The following SLC5A8 variants were observed in gnomAD, a reference collection of about 807,000 sequenced individuals.
SLC5A8 encodes the protein sodium-coupled monocarboxylate transporter 1.
In SLC5A8, 55 loss-of-function variants were observed where a neutral mutation model predicts 71.9. That is an observed-to-expected ratio of 0.77 (90% CI 0.62 to 0.96). The LOEUF is 0.96. Ranked by LOEUF, SLC5A8 falls within the 40% of genes least tolerant of loss-of-function variation. The pLI is 0.00. For missense variants in SLC5A8, 701 were observed against 745.3 expected (o/e 0.94, Z 0.69); for synonymous variants, 307 against 276.1 (o/e 1.11, Z -1.11).
At chr12:101,158,554 CT>C (rs2051689854) in intron 13 of SLC5A8, among the ~76,000 whole-genome samples, 2 of 26,460 alleles carry the variant, frequency 7.6e-5, no homozygotes, top group Non-Finnish European at 1.5e-4. Flanking sequence ...ATATGAGTCT[CT>C]CTCTCTCTCT....
chr12:101,200,111 T>G (rs984760984), intron 3 of SLC5A8, among the ~76,000 whole-genome samples: 3 of 133,334 alleles, frequency 2.2e-5, no homozygotes, highest in African/African-American at 8.3e-5. Flanking sequence ...AACATTTTGC[T>G]GAGCAAAAGA....
At chr12:101,183,963 C>T (rs11110694) in intron 8 of SLC5A8, among the ~76,000 whole-genome samples, 171 bp downstream of exon 8, 1,807 of 152,166 alleles carry the variant, frequency 0.012, 18 homozygotes, top group Middle Eastern at 0.02. Flanking sequence ...GACAACAGGA[C>T]GCTAGTCCAC....
rs371044625 is a variant in SLC5A8, at chr12:101,209,690, G to C, written c.159C>G (p.Thr53=). ...KDFLMGGRRM[T]AVPVALSLTA... ...TGAGGGACAGCGCCACGGGCACTGCGGTCATTCTGCGGCCGCCCATCAGGA... is the reference window on the plus strand; with the variant it reads ...TGAGGGACAGCGCCACGGGCACTGCCGTCATTCTGCGGCCGCCCATCAGGA... The change falls in exon 1 of 15, where the codon ACC becomes ACG. Residue 53 remains threonine, a synonymous_variant. Coordinates refer to ENST00000536262, the MANE Select transcript of SLC5A8 (RefSeq NM_145913.5). 2 of 1,613,442 alleles carry C rather than the reference G, an allele frequency of 1.2e-6. No individual in the cohort carries two copies. Among genetic ancestry groups the C allele is most frequent in the East Asian group, 2.2e-5 (1 of 44,876 alleles).
intron 12 of SLC5A8, among the ~76,000 whole-genome samples, chr12:101,163,339 G>A (rs2051740313): frequency 6.6e-6 from 1 of 152,120 alleles, no homozygotes; most frequent in Non-Finnish European, 1.5e-5. Flanking sequence ...TAAAACCTGG[G>A]GCATGGGGAG....
chr12:101,189,009 G>T (rs757410107), intron 6 of SLC5A8, among the ~76,000 whole-genome samples: 2 of 152,142 alleles, frequency 1.3e-5, no homozygotes, highest in Non-Finnish European at 2.9e-5. Context: ...GTGTGAGAAG[G>T]CAGACGAAAA....
At position 101,157,327 on chromosome 12, in the gene SLC5A8, A is replaced by C. The variant is rs74431392; in HGVS notation, c.1785T>G (p.Ile595Met). 1 of 1,613,586 alleles carries C rather than the reference A, an allele frequency of 6.2e-7. No homozygotes were observed. The highest frequency in any genetic ancestry group is 8.5e-7 in the Non-Finnish European group (1 of 1,179,778). The part of the protein sequence containing the change: ...GGTDNPAFNH[I>M]ELNSDQSGKS... ...TGCCACTCTGATCTGAGTTCAATTC[A>C]ATGTGGTTGAAAGCAGGATTATCAG... Residue 595 changes from isoleucine to methionine, a missense_variant, in exon 15 of 15, where the codon ATT becomes ATG. By Grantham distance (10) the Ile-to-Met change is conservative. Coordinates refer to ENST00000536262, the MANE Select transcript of SLC5A8 (RefSeq NM_145913.5).
intron 10 of SLC5A8, among the ~76,000 whole-genome samples, chr12:101,171,460 G>A (rs1336626195): frequency 1.3e-5 from 2 of 152,202 alleles, no homozygotes; most frequent in African/African-American, 4.8e-5. Flanking sequence ...GTTTGAAAGT[G>A]CGCTCCATGG....
At chr12:101,187,632 T>A in intron 6 of SLC5A8, 117 bp from the exon 7 acceptor site, 1 of 1,101,724 alleles carries the variant, frequency 9.1e-7, no homozygotes, top group East Asian at 2.8e-5. Flanking sequence ...ATGTACATTA[T>A]CTTTTGATTA....
In SLC5A8 at chr12:101,166,587, T is replaced by G. The variant is rs777534480; in HGVS notation, c.1433A>C (p.Gln478Pro). Reference protein sequence around the residue: ...ERTLPLHLDIQGCNSTYNETN... With the variant: ...ERTLPLHLDIPGCNSTYNETN... ...CTCATTGTAGGTGCTGTTACAGCCT[T>G]GGATATCAAGGTGCAATGGCAATGT... Residue 478 changes from glutamine to proline, a missense_variant, in exon 12 of 15, where the codon CAA becomes CCA. Transcript: ENST00000536262. 3 of 1,614,078 alleles carry G rather than the reference T, an allele frequency of 1.9e-6. No individual in the cohort carries two copies. Among genetic ancestry groups the G allele is most frequent in the Non-Finnish European group, 2.5e-6 (3 of 1,179,962 alleles).
Position 101,166,565 on chromosome 12 carries a change from A to G in SLC5A8, c.1455T>C (p.Asn485=). 1 of 1,614,000 alleles carries G rather than the reference A, an allele frequency of 6.2e-7. No individual in the cohort carries two copies. The highest frequency in any genetic ancestry group is 1.6e-4 in the Middle Eastern group (1 of 6,062). Residue 485 remains asparagine, a synonymous_variant, in exon 12 of 15, where the codon AAT becomes AAC. Coordinates refer to ENST00000536262, the MANE Select transcript of SLC5A8 (RefSeq NM_145913.5). The stretch of plus-strand genomic sequence containing the variant: ...CTGTGGTTGTCATCAAATTTGTCTC[A>G]TTGTAGGTGCTGTTACAGCCTTGGA... The part of the protein sequence containing the change: ...LDIQGCNSTY[N]ETNLMTTTEM...
intron 5 of SLC5A8, among the ~76,000 whole-genome samples, chr12:101,191,353 C>T (rs1226441849): frequency 1.3e-5 from 2 of 152,264 alleles, no homozygotes; most frequent in African/African-American, 4.8e-5. Context: ...AAACTTTCTG[C>T]AAAGTTAGCT....
chr12:101,210,120 T>A lies in SLC5A8; in HGVS notation c.-272A>T. 2.4e-6 allele frequency: 1 copy of A among 420,472 alleles called. No homozygotes were observed. Among genetic ancestry groups the A allele is most frequent in the Non-Finnish European group, 4.2e-6 (1 of 239,720 alleles). The allele number at this position is 420,472 out of a possible 1,614,324, so 26.0% of individuals were successfully genotyped here. A position where few individuals can be genotyped will look rare whatever the true frequency, so the allele number is the denominator to read the frequency against. ...CCCGCTGCCCTGAGTGCTCACCACG[T>A]GAGGAACTGGAGTGGCCGAGTTCGC... On this transcript the variant is annotated 5_prime_UTR_variant, in exon 1 of 15. Coordinates refer to ENST00000536262, the MANE Select transcript of SLC5A8 (RefSeq NM_145913.5).
chr12:101,182,314 T>C (rs926380542), intron 9 of SLC5A8, among the ~76,000 whole-genome samples: 1 of 152,194 alleles, frequency 6.6e-6, no homozygotes, highest in East Asian at 1.9e-4. Context: ...TTTAATCTAA[T>C]CCTCTGTAAA....
Position 101,157,125 on chromosome 12 carries a change from A to T in SLC5A8, c.*154T>A. On this transcript the variant is annotated 3_prime_UTR_variant, in exon 15 of 15. Transcript: ENST00000536262. ...GTAACATCAATTAATGATGTAGTAA[A>T]TGAAGATAGTCCAGACTTTGTTTTA... 1.3e-6 allele frequency: 1 copy of T among 742,136 alleles called. No homozygotes were observed. The highest frequency in any genetic ancestry group is 2.7e-5 in the South Asian group (1 of 37,128). 46.0% of individuals were successfully genotyped at this position (742,136 alleles called of 1,614,324 possible).
At chr12:101,193,527 T>C (rs1869017499) in intron 5 of SLC5A8, 98 bp downstream of exon 5, 1 of 1,388,790 alleles carries the variant, frequency 7.2e-7, no homozygotes, top group African/African-American at 1.5e-5. Context: ...TAGCAATTTG[T>C]TGGCTTGTTT....
intron 1 of SLC5A8, 136 bp downstream of exon 1, chr12:101,209,362 G>C (rs1422848828): frequency 1.5e-6 from 1 of 665,316 alleles, no homozygotes. Context: ...GGAGTGAAGG[G>C]AGGGTGATGA....
chr12:101,204,600 G>C, intron 1 of SLC5A8, 35 bp from the exon 2 acceptor site: 2 of 1,472,510 alleles, frequency 1.4e-6, no homozygotes, highest in African/African-American at 1.4e-5. Flanking sequence ...GAATCCTCTG[G>C]ATGCCTTTTT....
intron 13 of SLC5A8, among the ~76,000 whole-genome samples, chr12:101,160,407 CA>C (rs1219890964): frequency 2.0e-5 from 3 of 152,052 alleles, no homozygotes; most frequent in African/African-American, 7.2e-5. Context: ...ATCTCAGTGC[CA>C]AAAAACAGAA....
rs954643723 is a variant in SLC5A8 at position 101,166,698 on chromosome 12, C to T, written c.1322G>A (p.Gly441Glu). The T allele has an allele frequency of 6.3e-7, 1 of 1,584,214 alleles. No individual in the cohort carries two copies. ...TCCAGCCATCAGACCAACAAGTGCT[C>T]CCTGTAAAACAAGAATGCCTTTAAA... is the stretch of plus-strand genomic sequence containing the variant. ...GILVPFANSI[G>E]ALVGLMAGFA... Residue 441 changes from glycine to glutamate, a missense_variant and splice_region_variant, in exon 12 of 15, where the codon GGA (glycine) becomes GAA (glutamate). Gly to Glu is a moderately conservative substitution (Grantham distance 98, BLOSUM62 -2). Coordinates refer to ENST00000536262, the MANE Select transcript of SLC5A8 (RefSeq NM_145913.5).
Sources: gnomAD v4.1 joint callset for allele counts (sites outside exome capture counted in the v4.1 genomes callset) on GRCh38, gnomAD v4.1.1 for gene constraint, MANE v1.5 for transcripts, NCBI Gene and HGNC (gene_info 2026-07-23, HGNC 2026-07-21) for gene names.